Variants in FBXO34 observed in about 807,000 individuals in gnomAD.
The protein encoded by FBXO34 is F-box only protein 34.
A neutral mutation model predicts 24.5 loss-of-function variants in FBXO34; 12 were observed. The ratio of observed to expected loss-of-function variants is 0.49; its 90% CI spans 0.31 to 0.79. The LOEUF (loss-of-function observed/expected upper bound fraction) is 0.79, where lower values mean the gene tolerates loss of function less well. FBXO34 is among the 30% of genes least tolerant of loss of function. FBXO34 has a pLI of 0.04. For missense variants in FBXO34, 823 were observed against 857.7 expected, an observed-to-expected ratio of 0.96 and a Z score of 0.51; for synonymous variants, 320 against 311.9, an observed-to-expected ratio of 1.03 and a Z score of -0.27.
chr14:55,432,801 G>A, the FBXO34 span, among the ~76,000 whole-genome samples: 3 of 152,302 alleles, frequency 2.0e-5, no homozygotes, highest in South Asian at 4.1e-4. Context: ...GAGAAAACAG[G>A]CTCTGCCACT....
chr14:55,282,067 GCT>G (rs1199856706), intron 1 of FBXO34, among the ~76,000 whole-genome samples: 1 of 133,324 alleles, frequency 7.5e-6, no homozygotes, highest in Non-Finnish European at 1.5e-5. Context: ...CACGATCTCG[GCT>G]CTCTGCAATC....
the FBXO34 span, among the ~76,000 whole-genome samples, chr14:55,421,136 A>T: frequency 6.6e-6 from 1 of 152,060 alleles, no homozygotes; most frequent in Non-Finnish European, 1.5e-5. Context: ...CATTTAAAGA[A>T]ATCTATAATA....
chr14:55,322,127 G>T (rs1003453142), intron 1 of FBXO34, among the ~76,000 whole-genome samples: 8 of 151,792 alleles, frequency 5.3e-5, no homozygotes, highest in Non-Finnish European at 7.4e-5. Flanking sequence ...TCGAGACCAC[G>T]GTGAAACCTC....
the FBXO34 span, chr14:55,414,344 C>T: frequency 6.6e-7 from 1 of 1,508,868 alleles, no homozygotes; most frequent in Non-Finnish European, 9.1e-7. Flanking sequence ...TGGACATATT[C>T]AAACCAGAAT....
chr14:55,320,603 C>A (rs1009583888), intron 1 of FBXO34, among the ~76,000 whole-genome samples: 1 of 151,950 alleles, frequency 6.6e-6, no homozygotes, highest in East Asian at 1.9e-4. Context: ...TACACACACA[C>A]AAAAATTAGC....
chr14:55,348,908 T>A (rs1028276103), intron 1 of FBXO34, among the ~76,000 whole-genome samples: 1 of 152,058 alleles, frequency 6.6e-6, no homozygotes, highest in Non-Finnish European at 1.5e-5. Context: ...ACCCAGTAAA[T>A]GTGGAGCAAA....
At chr14:55,296,690 C>T in intron 1 of FBXO34, among the ~76,000 whole-genome samples, 1 of 152,086 alleles carries the variant, frequency 6.6e-6, no homozygotes, top group South Asian at 2.1e-4. Flanking sequence ...GCCACTGCGC[C>T]TGGCCGCTGT....
At chr14:55,390,669 C>T in the FBXO34 span, among the ~76,000 whole-genome samples, 1 of 152,204 alleles carries the variant, frequency 6.6e-6, no homozygotes, top group Non-Finnish European at 1.5e-5. Context: ...CCACGCCTGG[C>T]GCCTAACTTT....
chr14:55,352,496 A>T lies in FBXO34; in HGVS notation c.2106A>T (p.Ala702=), dbSNP rs1195846860. 3 of 1,611,188 alleles carry T rather than the reference A, an allele frequency of 1.9e-6. No individual in the cohort carries two copies. The highest frequency in any genetic ancestry group is 2.5e-6 in the Non-Finnish European group (3 of 1,178,698). The change falls in exon 2 of 2, where the codon GCA becomes GCT. Residue 702 remains alanine, a synonymous_variant. Transcript: ENST00000313833. ...TTAATCGGGCAATCCATAAGAAAGCAAAAGGGACTGAAGCTGAAGAGGAAT... is the reference window on the plus strand; with the variant it reads ...TTAATCGGGCAATCCATAAGAAAGCTAAAGGGACTGAAGCTGAAGAGGAAT... The part of the protein sequence containing the change: ...HSFNRAIHKK[A]KGTEAEEEY
intron 1 of FBXO34, among the ~76,000 whole-genome samples, chr14:55,328,454 C>A (rs1883424977): frequency 6.6e-6 from 1 of 152,182 alleles, no homozygotes; most frequent in Non-Finnish European, 1.5e-5. Flanking sequence ...TACTGAGCTA[C>A]TGAGTGACTA....
the FBXO34 span, among the ~76,000 whole-genome samples, chr14:55,420,768 G>T: frequency 6.6e-6 from 1 of 152,074 alleles, no homozygotes; most frequent in South Asian, 2.1e-4. Flanking sequence ...CTTTTTAAAA[G>T]AAATTTGGGG....
chr14:55,436,419 A>T, the FBXO34 span: 2 of 799,996 alleles, frequency 2.5e-6, no homozygotes, highest in East Asian at 5.3e-5. Flanking sequence ...TAAAGCCACA[A>T]TCCATTTAGA....
the FBXO34 span, among the ~76,000 whole-genome samples, chr14:55,408,654 C>G: frequency 0.05 from 7,675 of 152,170 alleles, 464 homozygotes; most frequent in East Asian, 0.28. Context: ...GCCTGTAGTC[C>G]CACCTACTCA....
At chr14:55,386,014 C>G in the FBXO34 span, 1 of 1,614,170 alleles carries the variant, frequency 6.2e-7, no homozygotes, top group South Asian at 1.1e-5. Context: ...GCCTCTGAAT[C>G]TTCTCCTTTT....
chr14:55,290,960 C>T (rs1201317349), intron 1 of FBXO34, among the ~76,000 whole-genome samples: 2 of 152,102 alleles, frequency 1.3e-5, no homozygotes, highest in African/African-American at 4.8e-5. Flanking sequence ...GCTGGGATTA[C>T]AGGCACCTGC....
rs948127202 is a variant in FBXO34, at chr14:55,299,087, C to T, written c.-11+27550C>T. 15 of 1,428,158 alleles carry T rather than the reference C, an allele frequency of 1.1e-5. No individual in the cohort carries two copies. The East Asian group carries it at 1.1e-4, about 11-fold the overall frequency. The allele number at this position is 1,428,158 out of a possible 1,614,324, so 88.5% of individuals were successfully genotyped here. ...CTGTAGGGTTTGGAGAAAAGTCTGA[C>T]GAGGATGAGCTCATGGCGGAATTAG... On this transcript the variant is annotated intron_variant, in intron 1 of 1. Coordinates refer to ENST00000313833, the MANE Select transcript of FBXO34 (RefSeq NM_017943.4).
downstream of FBXO34, among the ~76,000 whole-genome samples, chr14:55,370,102 T>G (rs1884781163): frequency 6.6e-6 from 1 of 152,196 alleles, no homozygotes; most frequent in South Asian, 2.1e-4. Context: ...TTTACCCAAA[T>G]AATCTCCACC....
At chr14:55,386,045 C>T in the FBXO34 span, 5 of 1,613,946 alleles carry the variant, frequency 3.1e-6, no homozygotes, top group Non-Finnish European at 3.4e-6. Flanking sequence ...CCGTTGTGCT[C>T]GACTGTAAAG....
chr14:55,391,010 T>TA, the FBXO34 span: 1 of 1,573,814 alleles, frequency 6.4e-7, no homozygotes, highest in Non-Finnish European at 8.7e-7. Context: ...AAGCATGTAA[T>TA]AAATATCACA....
Sources: allele counts gnomAD v4.1 joint callset (sites outside exome capture counted in the v4.1 genomes callset), GRCh38; gene constraint gnomAD v4.1.1; transcripts MANE v1.5; gene names NCBI Gene and HGNC (gene_info 2026-07-23, HGNC 2026-07-21).